The following SEZ6 variants were observed in gnomAD, a reference collection of about 807,000 sequenced individuals.
SEZ6 encodes seizure protein 6 homolog.
A neutral mutation model predicts 101.0 loss-of-function variants in SEZ6; 53 were observed. The observed-to-expected ratio is 0.52, with a 90% CI of 0.42 to 0.66. The LOEUF is 0.66. SEZ6 is among the 30% of genes least tolerant of loss of function. The probability of loss-of-function intolerance (pLI) is 0.00; values close to 1 mark genes in which losing one functional copy is unlikely to be tolerated. For synonymous variants in SEZ6, 488 were observed against 512.2 expected (o/e 0.95, Z 0.64); for missense variants, 1,102 against 1,289.4 (o/e 0.85, Z 2.23).
rs1045158407 is a variant in SEZ6 at position 29,005,334 on chromosome 17, C to T, written c.55+481G>A. Among the ~76,000 whole-genome samples the T allele has an allele frequency of 3.3e-5, 5 of 152,118 alleles. No homozygotes were observed. Among genetic ancestry groups the T allele is most frequent in the African/African-American group, 1.2e-4 (5 of 41,436 alleles). On this transcript the variant is annotated intron_variant, in intron 1 of 16. Coordinates refer to ENST00000317338, the MANE Select transcript of SEZ6 (RefSeq NM_178860.5). The surrounding 1 kb of genome is among the most constrained non-coding windows in gnomAD (Gnocchi z 4.8). The stretch of plus-strand genomic sequence containing the variant: ...CCGGCCGCCATCCGGCCCCGTCTCC[C>T]CTCAGTAAGAACACTAGAGGCCCTG...
chr17:28,956,960 G>A, intron 13 of SEZ6, 85 bp downstream of exon 13: 1 of 1,435,544 alleles, frequency 7.0e-7, no homozygotes, highest in African/African-American at 1.4e-5. Context: ...GCATGGGCAG[G>A]TGGTTCTGGT....
At chr17:29,003,471 T>C (rs1230773570) in intron 1 of SEZ6, among the ~76,000 whole-genome samples, 4 of 152,236 alleles carry the variant, frequency 2.6e-5, no homozygotes, top group Admixed American at 6.5e-5. Flanking sequence ...GCAGTCTGCA[T>C]CCTGCCTATG....
intron 2 of SEZ6, among the ~76,000 whole-genome samples, 164 bp from the exon 3 acceptor site, chr17:28,979,977 C>A (rs1434382203): frequency 1.3e-5 from 2 of 150,702 alleles, no homozygotes; most frequent in African/African-American, 4.9e-5. Flanking sequence ...AAGGGGACCA[C>A]CTTTTATTAG....
chr17:29,004,926 G>A (rs1339168335), intron 1 of SEZ6, among the ~76,000 whole-genome samples: 1 of 152,106 alleles, frequency 6.6e-6, no homozygotes, highest in East Asian at 1.9e-4. Flanking sequence ...ACCCAAGACC[G>A]ACGAAGTTGG....
At chr17:28,993,358 C>T (rs558940293) in intron 1 of SEZ6, among the ~76,000 whole-genome samples, 96 of 152,222 alleles carry the variant, frequency 6.3e-4, no homozygotes, top group South Asian at 1.2e-3. Flanking sequence ...CCCACTGGCC[C>T]CAAGGTGGGG....
intron 3 of SEZ6, 84 bp from the exon 4 acceptor site, chr17:28,970,036 GC>G: frequency 1.5e-6 from 2 of 1,290,876 alleles, no homozygotes; most frequent in Non-Finnish European, 1.0e-6. Flanking sequence ...GATCCTGCAG[GC>G]CCCGGGCAGA....
chr17:28,996,070 G>A (rs1408705273), intron 1 of SEZ6, among the ~76,000 whole-genome samples: 12 of 151,166 alleles, frequency 7.9e-5, no homozygotes, highest in Middle Eastern at 6.8e-3. Flanking sequence ...GCGAGATCTC[G>A]GCTCACTGCA....
chr17:28,998,225 A>G (rs181892400), intron 1 of SEZ6, among the ~76,000 whole-genome samples: 1 of 152,246 alleles, frequency 6.6e-6, no homozygotes, highest in East Asian at 1.9e-4. Flanking sequence ...CAGCATGCAC[A>G]TGAGCATGGG....
At chr17:28,967,308 A>G (rs1236543680) in intron 4 of SEZ6, among the ~76,000 whole-genome samples, 3 of 152,180 alleles carry the variant, frequency 2.0e-5, no homozygotes, top group Admixed American at 6.5e-5. Flanking sequence ...CTATGAGCCC[A>G]TTTTCAGATG....
intron 3 of SEZ6, 53 bp downstream of exon 3, chr17:28,979,627 G>GAAAGAGAATACACC: frequency 6.2e-7 from 1 of 1,611,906 alleles, no homozygotes; most frequent in African/African-American, 1.3e-5. Flanking sequence ...CCTCTCTGAA[G>GAAAGAGAATACACC]AAAGAGAATA....
rs201235507 is a variant in SEZ6, at chr17:28,966,160, TAAATAAAATA to T, written c.1055-2023_1055-2014del. Among the ~76,000 whole-genome samples the T allele has an allele frequency of 3.6e-3, 508 of 141,414 alleles. 2 individuals are homozygous for T. Among genetic ancestry groups the T allele is most frequent in the African/African-American group, 7.8e-3 (293 of 37,688 alleles). 92.8% of individuals were successfully genotyped at this position (141,414 alleles called of 152,430 possible). A position where few individuals can be genotyped will look rare whatever the true frequency, so the allele number is the denominator to read the frequency against. ...TCCATGTTCCAAAAAATAAAATAAA[TAAATAAAATA>T]AAATAAAATAAAATAAAAGTGAAGA... On this transcript the variant is annotated intron_variant, in intron 4 of 16. Coordinates refer to ENST00000317338, the MANE Select transcript of SEZ6 (RefSeq NM_178860.5).
At chr17:28,956,800 T>C (rs1178324437) in intron 13 of SEZ6, 43 bp from the exon 14 acceptor site, 16 of 1,552,436 alleles carry the variant, frequency 1.0e-5, no homozygotes, top group African/African-American at 1.4e-5. Context: ...GTGAGCCCAA[T>C]GGGCCAAACC....
rs575692851 is a variant in SEZ6 at position 29,001,843 on chromosome 17, C to T, written c.55+3972G>A. 3.4e-3 allele frequency among the ~76,000 whole-genome samples: 521 copies of T among 152,290 alleles called. 2 individuals are homozygous for T. Among genetic ancestry groups the T allele is most frequent in the African/African-American group, 0.012 (488 of 41,546 alleles). ...TCTTCTGTATAGAACCTGGCTCCTC[C>T]TCCCTGAGAATAGGCCAGTAAGCTG... is the stretch of plus-strand genomic sequence containing the variant. On this transcript the variant is annotated intron_variant, in intron 1 of 16. Transcript: ENST00000317338.
intron 1 of SEZ6, 146 bp from the exon 2 acceptor site, chr17:28,982,185 T>C (rs1044639409): frequency 7.2e-7 from 1 of 1,398,550 alleles, no homozygotes; most frequent in Non-Finnish European, 9.3e-7. Context: ...AACTACAGAA[T>C]TTGTGAACTG....
rs1470713747 is a variant in SEZ6, at chr17:28,960,597, A to G, written c.1484T>C (p.Ile495Thr). 5 of 1,591,228 alleles carry G rather than the reference A, an allele frequency of 3.1e-6. No individual in the cohort carries two copies. In the African/African-American group the frequency reaches 6.7e-5, roughly 21 times the overall value. Residue 495 changes from isoleucine to threonine, a missense_variant, in exon 7 of 17, where the codon ATT (isoleucine) becomes ACT (threonine). By Grantham distance (89) the Ile-to-Thr change is moderately conservative. This residue lies in a region of SEZ6 where 556 missense variants were observed against 735.1 expected (regional missense o/e 0.76). Transcript: ENST00000317338. ...TTTGCCAGAGCTGAGCAGGCCCTCA[A>G]TGGGCAGGTATTCCACCTCATAGGA... ...YDSYEVEYLP[I>T]EGLLSSGKHF...
At chr17:28,991,946 C>G (rs2041466863) in intron 1 of SEZ6, among the ~76,000 whole-genome samples, 1 of 152,206 alleles carries the variant, frequency 6.6e-6, no homozygotes, top group South Asian at 2.1e-4. Context: ...TAGCTTCGTA[C>G]TTTGCCCTCA....
chr17:28,993,105 G>A (rs542863935), intron 1 of SEZ6, among the ~76,000 whole-genome samples: 1 of 152,186 alleles, frequency 6.6e-6, no homozygotes, highest in Admixed American at 6.5e-5. Flanking sequence ...TAGGATGGAA[G>A]GAATGGTCTT....
intron 1 of SEZ6, 50 bp from the exon 2 acceptor site, chr17:28,982,089 G>A (rs2041316153): frequency 2.0e-6 from 3 of 1,515,188 alleles, no homozygotes; most frequent in Non-Finnish European, 2.6e-6. Context: ...CCAGAGAGCA[G>A]CATCACGCCC....
chr17:28,977,478 G>C (rs1365616394), intron 3 of SEZ6, among the ~76,000 whole-genome samples: 2 of 152,266 alleles, frequency 1.3e-5, no homozygotes, highest in Admixed American at 6.5e-5. Flanking sequence ...GGCTGTGGCA[G>C]GTCTTCGTCT....
Sources: allele counts gnomAD v4.1 joint callset (sites outside exome capture counted in the v4.1 genomes callset), GRCh38; gene constraint gnomAD v4.1.1; regional missense constraint gnomAD v4.1.1; non-coding constraint Gnocchi (gnomAD v3.1); transcripts MANE v1.5; gene names NCBI Gene and HGNC (gene_info 2026-07-23, HGNC 2026-07-21).